The following TBXAS1 variants were observed in gnomAD, a reference collection of about 807,000 sequenced individuals.
TBXAS1 encodes the protein thromboxane A synthase 1, also known as thromboxane-A synthase.
TBXAS1 carries 48 observed loss-of-function variants against 60.7 expected under a neutral mutation model. The observed-to-expected ratio is 0.79, with a 90% confidence interval of 0.63 to 1.01. TBXAS1 has a LOEUF of 1.01. Among genes scored for constraint, TBXAS1 ranks in the 50% least tolerant of loss-of-function variants. The pLI is 0.00. For synonymous variants in TBXAS1, 287 were observed against 269.7 expected, an observed-to-expected ratio of 1.06 and a Z score of -0.63; for missense variants, 685 against 686.3, an observed-to-expected ratio of 1.00 and a Z score of 0.02.
At chr7:139,891,189 G>A (rs1240030854) in intron 3 of TBXAS1, among the ~76,000 whole-genome samples, 1 of 151,690 alleles carries the variant, frequency 6.6e-6, no homozygotes, top group African/African-American at 2.4e-5. Context: ...GACCTCTACG[G>A]ACCTGTGGGA....
At chr7:139,959,007 TCACA>T (rs8192836) in intron 8 of TBXAS1, among the ~76,000 whole-genome samples, 104,986 of 149,724 alleles carry the variant, frequency 0.7, 36,825 homozygotes, top group East Asian at 0.76. Context: ...TTGAGAGTGT[TCACA>T]CACACACACA....
intron 9 of TBXAS1, among the ~76,000 whole-genome samples, chr7:139,994,393 G>A (rs1813146370): frequency 6.6e-6 from 1 of 152,194 alleles, no homozygotes; most frequent in African/African-American, 2.4e-5. Context: ...CCAGCTGAGA[G>A]TGTTGGTCTG....
In TBXAS1 at chr7:139,861,443, T is replaced by C. The variant is rs1183652913; in HGVS notation, c.90-10792T>C. Among the ~76,000 whole-genome samples, 4 of 148,420 alleles carry C rather than the reference T, an allele frequency of 2.7e-5. No individual in the cohort carries two copies. In the East Asian group the frequency reaches 6.0e-4, roughly 22 times the overall value. On this transcript the variant is annotated intron_variant, in intron 1 of 12. Transcript: ENST00000448866. Reference sequence around the variant, plus strand: ...AATTTTTTTTTTTTTTTTTTGGATCTCACTTTGTTGCCCAGGCTGGTCTGA... The same window carrying C: ...AATTTTTTTTTTTTTTTTTTGGATCCCACTTTGTTGCCCAGGCTGGTCTGA...
intron 1 of TBXAS1, 84 bp from the exon 2 acceptor site, chr7:139,872,151 G>A: frequency 7.3e-7 from 1 of 1,364,054 alleles, no homozygotes; most frequent in Admixed American, 1.7e-5. Flanking sequence ...CTTCCAGAGA[G>A]CTCAGTAATT....
chr7:139,838,374 G>A (rs1023373948), intron 1 of TBXAS1, among the ~76,000 whole-genome samples: 1 of 152,174 alleles, frequency 6.6e-6, no homozygotes, highest in Non-Finnish European at 1.5e-5. Context: ...CTGACTGAAG[G>A]CTAATTCCAA....
chr7:139,983,005 C>T (rs182107592), intron 9 of TBXAS1, among the ~76,000 whole-genome samples: 2 of 152,154 alleles, frequency 1.3e-5, no homozygotes, highest in Non-Finnish European at 2.9e-5. Context: ...ATTCTGGGAT[C>T]CACATTTACT....
chr7:139,855,383 C>T (rs1290942248), intron 1 of TBXAS1, among the ~76,000 whole-genome samples: 1 of 152,054 alleles, frequency 6.6e-6, no homozygotes, highest in Non-Finnish European at 1.5e-5. Context: ...GACTTGGCCC[C>T]ACGGTCTTGA....
At position 139,956,157 on chromosome 7, in the gene TBXAS1, A is replaced by T. The variant is rs772904370; in HGVS notation, c.688+550A>T. ...TTTTATTTTATTTATTATTATTATT[A>T]TTTTTTTAGATGGAGTTTCGCTGTT... is the stretch of plus-strand genomic sequence containing the variant. On this transcript the variant is annotated intron_variant, in intron 7 of 12. Coordinates refer to ENST00000448866, the MANE Select transcript of TBXAS1 (RefSeq NM_001061.7). 2.6e-4 allele frequency among the ~76,000 whole-genome samples: 39 copies of T among 151,570 alleles called. 1 individual carries two copies. Among genetic ancestry groups the T allele is most frequent in the South Asian group, 4.2e-4 (2 of 4,812 alleles).
chr7:139,911,599 T>C (rs1805526770), intron 4 of TBXAS1, among the ~76,000 whole-genome samples: 1 of 152,192 alleles, frequency 6.6e-6, no homozygotes, highest in Non-Finnish European at 1.5e-5. Flanking sequence ...TTTCTAAAGC[T>C]GGGTTCAAAG....
intron 1 of TBXAS1, among the ~76,000 whole-genome samples, chr7:139,840,465 G>T (rs950512437): frequency 6.6e-6 from 1 of 152,160 alleles, no homozygotes; most frequent in Non-Finnish European, 1.5e-5. Context: ...GCCCTGAAAG[G>T]TTCTTTAATA....
At chr7:139,844,434 T>C (rs972054852) in intron 1 of TBXAS1, among the ~76,000 whole-genome samples, 3 of 152,236 alleles carry the variant, frequency 2.0e-5, no homozygotes, top group Non-Finnish European at 4.4e-5. Context: ...ATTTTAATTA[T>C]TCAAAGGCAA....
At chr7:140,016,121 G>A (rs996208662) in intron 11 of TBXAS1, among the ~76,000 whole-genome samples, 11 of 152,244 alleles carry the variant, frequency 7.2e-5, no homozygotes, top group Middle Eastern at 3.4e-3. Context: ...GAGGTCAGGA[G>A]ATCGAGACCA....
In TBXAS1 at chr7:139,864,617, G is replaced by GA. The variant is rs558272392; in HGVS notation, c.90-7611dup. On this transcript the variant is annotated intron_variant, in intron 1 of 12. Coordinates refer to ENST00000448866, the MANE Select transcript of TBXAS1 (RefSeq NM_001061.7). ...AAAAAGAAGTAATATATAAAAAAGA[G>GA]AAAAAAACAAAGAGTGTGATTTAGA... is the stretch of plus-strand genomic sequence containing the variant. 2.0e-3 allele frequency among the ~76,000 whole-genome samples: 304 copies of GA among 151,620 alleles called. 1 individual carries two copies. The highest frequency in any genetic ancestry group is 7.1e-3 in the African/African-American group (290 of 41,104).
intron 4 of TBXAS1, among the ~76,000 whole-genome samples, chr7:139,821,590 T>C (rs1798298239): frequency 6.6e-6 from 1 of 152,212 alleles, no homozygotes; most frequent in Non-Finnish European, 1.5e-5. Flanking sequence ...TCTGCCCTTA[T>C]CACAGGCAGG....
chr7:139,987,029 G>A (rs565993220), intron 9 of TBXAS1, among the ~76,000 whole-genome samples: 38 of 152,128 alleles, frequency 2.5e-4, no homozygotes, highest in African/African-American at 8.4e-4. Context: ...GAAGCAATTG[G>A]CCTGGGCAGT....
At chr7:139,844,627 A>G (rs1799683288) in intron 1 of TBXAS1, among the ~76,000 whole-genome samples, 1 of 152,218 alleles carries the variant, frequency 6.6e-6, no homozygotes, top group Non-Finnish European at 1.5e-5. Context: ...AAAATATCTC[A>G]TGTACCCTCT....
intron 6 of TBXAS1, 195 bp downstream of exon 6, chr7:139,953,651 G>A (rs1696168347): frequency 3.5e-6 from 2 of 573,460 alleles, no homozygotes; most frequent in Non-Finnish European, 3.1e-6. Context: ...GCAGAGCCAG[G>A]GTACGTGCGT....
intron 9 of TBXAS1, among the ~76,000 whole-genome samples, chr7:139,967,151 G>A (rs1029410579): frequency 1.3e-5 from 2 of 152,374 alleles, no homozygotes; most frequent in Admixed American, 6.5e-5. Flanking sequence ...CAGCTTCCAT[G>A]CCTTCCCCAG....
At chr7:139,848,707 C>A (rs1489738663) in intron 1 of TBXAS1, among the ~76,000 whole-genome samples, 2 of 152,206 alleles carry the variant, frequency 1.3e-5, no homozygotes, top group African/African-American at 2.4e-5. Flanking sequence ...AACCTGGAAG[C>A]TGCTAAGATA....
Sources: gnomAD v4.1 joint callset for allele counts (sites outside exome capture counted in the v4.1 genomes callset) on GRCh38, gnomAD v4.1.1 for gene constraint, MANE v1.5 for transcripts, NCBI Gene and HGNC (gene_info 2026-07-23, HGNC 2026-07-21) for gene names.